The following FBXL17 variants were observed in gnomAD, a reference collection of about 807,000 sequenced individuals.
FBXL17 encodes F-box and leucine rich repeat protein 17.
Under a neutral mutation model 66.2 loss-of-function variants are expected in FBXL17, and 22 were observed. That is an observed-to-expected ratio of 0.33 (90% CI 0.24 to 0.47). FBXL17 has a LOEUF of 0.47. FBXL17 is among the 20% of genes least tolerant of loss of function. The pLI, the probability that FBXL17 is intolerant of heterozygous loss-of-function variation, is 1.00. For missense variants in FBXL17, 878 were observed against 948.2 expected (o/e 0.93, Z 0.97); for synonymous variants, 474 against 400.5 (o/e 1.18, Z -2.19).
At chr5:108,110,602 A>G (rs1274795279) in intron 6 of FBXL17, among the ~76,000 whole-genome samples, 2 of 152,184 alleles carry the variant, frequency 1.3e-5, no homozygotes. Flanking sequence ...ACAAGATTAA[A>G]TGATTTCCAT....
intron 6 of FBXL17, among the ~76,000 whole-genome samples, chr5:108,081,961 G>GA (rs1462894519): frequency 6.6e-6 from 1 of 152,080 alleles, no homozygotes; most frequent in Non-Finnish European, 1.5e-5. Context: ...CATCAAGAAG[G>GA]AAAGAGTTAA....
intron 7 of FBXL17, among the ~76,000 whole-genome samples, chr5:107,910,721 A>G (rs1749923258): frequency 6.6e-6 from 1 of 152,148 alleles, no homozygotes; most frequent in Admixed American, 6.6e-5. Flanking sequence ...AGCTAGTTAC[A>G]AGATCCACAA....
chr5:108,170,671 C>T (rs946033154), intron 6 of FBXL17, among the ~76,000 whole-genome samples: 10 of 151,992 alleles, frequency 6.6e-5, no homozygotes, highest in Non-Finnish European at 1.0e-4. Flanking sequence ...GTAGCTGGGA[C>T]TATAAGTGTC....
intron 6 of FBXL17, among the ~76,000 whole-genome samples, chr5:108,114,495 A>G (rs1299698074): frequency 6.6e-6 from 1 of 152,240 alleles, no homozygotes; most frequent in Non-Finnish European, 1.5e-5. Flanking sequence ...GCCAATAATG[A>G]GAAATAAAGT....
intron 4 of FBXL17, among the ~76,000 whole-genome samples, chr5:108,309,334 AAC>A (rs1283350490): frequency 6.6e-6 from 1 of 152,016 alleles, no homozygotes; most frequent in Non-Finnish European, 1.5e-5. Context: ...CCAAATTATT[AAC>A]AGATTATGTG....
At chr5:107,925,629 A>G (rs1750501441) in intron 7 of FBXL17, among the ~76,000 whole-genome samples, 1 of 152,204 alleles carries the variant, frequency 6.6e-6, no homozygotes, top group South Asian at 2.1e-4. Context: ...CTTTGGGTAG[A>G]CAATCCTGAG....
Position 108,145,886 on chromosome 5 carries a change from G to A in FBXL17, c.1745+40231C>T, listed in dbSNP as rs942555976. Among the ~76,000 whole-genome samples, 5 of 151,652 alleles carry A rather than the reference G, an allele frequency of 3.3e-5. 1 individual carries two copies. Among genetic ancestry groups the A allele is most frequent in the Non-Finnish European group, 7.4e-5 (5 of 67,934 alleles). ...TGTAGAGATAATCAGTACCGACACT[G>A]AGAGAGAAATGCACAAGACGGCAGT... On this transcript the variant is annotated intron_variant, in intron 6 of 8. Coordinates refer to ENST00000542267, the MANE Select transcript of FBXL17 (RefSeq NM_001163315.3).
chr5:108,101,990 G>A (rs538042199), intron 6 of FBXL17, among the ~76,000 whole-genome samples: 8 of 152,302 alleles, frequency 5.3e-5, no homozygotes, highest in South Asian at 2.1e-4. Flanking sequence ...TTCCCAGGGT[G>A]GCTGCACTCC....
intron 7 of FBXL17, among the ~76,000 whole-genome samples, chr5:107,977,002 G>A (rs972160199): frequency 6.6e-6 from 1 of 152,070 alleles, no homozygotes; most frequent in African/African-American, 2.4e-5. Context: ...AATAGGGTTG[G>A]GAATATCTGC....
intron 6 of FBXL17, among the ~76,000 whole-genome samples, chr5:108,022,833 G>A (rs1052186431): frequency 3.9e-5 from 6 of 152,000 alleles, no homozygotes; most frequent in African/African-American, 1.2e-4. Context: ...TAAGCAACAA[G>A]AACCAACATT....
chr5:107,938,991 T>C (rs1164087247), intron 7 of FBXL17, among the ~76,000 whole-genome samples: 4 of 152,252 alleles, frequency 2.6e-5, no homozygotes, highest in African/African-American at 7.2e-5. Context: ...AATATCAAGA[T>C]AGAATATTAT....
chr5:108,354,651 G>A (rs1480753732), intron 3 of FBXL17, among the ~76,000 whole-genome samples: 1 of 149,670 alleles, frequency 6.7e-6, no homozygotes, highest in African/African-American at 2.5e-5. Context: ...ATACCATGAA[G>A]GAAAACTGCA....
chr5:108,027,864 A>G (rs965053328), intron 6 of FBXL17, among the ~76,000 whole-genome samples: 3 of 152,144 alleles, frequency 2.0e-5, no homozygotes, highest in Admixed American at 2.0e-4. Flanking sequence ...ACATGTAGTT[A>G]GTTACTTTGA....
chr5:108,040,705 C>G (rs549734805), intron 6 of FBXL17, among the ~76,000 whole-genome samples: 141 of 152,192 alleles, frequency 9.3e-4, no homozygotes, highest in African/African-American at 3.1e-3. Flanking sequence ...AATTTAATAT[C>G]TTTATCCTTT....
At chr5:108,329,182 A>G (rs1760002088) in intron 4 of FBXL17, among the ~76,000 whole-genome samples, 1 of 152,174 alleles carries the variant, frequency 6.6e-6, no homozygotes, top group Non-Finnish European at 1.5e-5. Context: ...TAAACCCTAC[A>G]GGAGAAACAC....
rs573882804 is a variant in FBXL17 at position 108,182,503 on chromosome 5, CA to C, written c.1745+3613del. ...TCTATTACAGTATACAGGATAAGTG[CA>C]AGTAGTGTAATTAAAACCTAAAAGA... On this transcript the variant is annotated intron_variant, in intron 6 of 8. Coordinates refer to ENST00000542267, the MANE Select transcript of FBXL17 (RefSeq NM_001163315.3). Among the ~76,000 whole-genome samples the C allele has an allele frequency of 3.9e-3, 596 of 152,252 alleles. 1 individual carries two copies. Among genetic ancestry groups the C allele is most frequent in the African/African-American group, 0.014 (570 of 41,572 alleles).
intron 4 of FBXL17, among the ~76,000 whole-genome samples, chr5:108,327,646 A>G (rs1015505273): frequency 6.6e-6 from 1 of 152,164 alleles, no homozygotes; most frequent in African/African-American, 2.4e-5. Context: ...AAACACTAAG[A>G]TTAAATATGA....
intron 4 of FBXL17, among the ~76,000 whole-genome samples, chr5:108,226,878 G>T (rs573245985): frequency 4.9e-4 from 74 of 152,216 alleles, no homozygotes; most frequent in African/African-American, 1.7e-3. Flanking sequence ...CAGTTCTCAG[G>T]TCTTTAAACT....
Position 107,860,624 on chromosome 5 carries a change from T to C in FBXL17, c.*1096A>G, listed in dbSNP as rs1748096199. The C allele has an allele frequency of 6.5e-6, 1 of 152,758 alleles. No homozygotes were observed. The highest frequency in any genetic ancestry group is 1.9e-4 in the East Asian group (1 of 5,178). The allele number at this position is 152,758 out of a possible 1,614,324, so 9.5% of individuals were successfully genotyped here. ...CATATATTAGCTAGCAATAGATCTTTGCAGTAGCATGAGAACTAGTCCAAA... is the reference window on the plus strand; with the variant it reads ...CATATATTAGCTAGCAATAGATCTTCGCAGTAGCATGAGAACTAGTCCAAA... On this transcript the variant is annotated 3_prime_UTR_variant, in exon 9 of 9. Transcript: ENST00000542267.
Sources: gnomAD v4.1 joint callset for allele counts (sites outside exome capture counted in the v4.1 genomes callset) on GRCh38, gnomAD v4.1.1 for gene constraint, MANE v1.5 for transcripts, NCBI Gene and HGNC (gene_info 2026-07-23, HGNC 2026-07-21) for gene names.